Variants in AVL9 observed in about 807,000 individuals in gnomAD.
AVL9 encodes the protein late secretory pathway protein AVL9 homolog.
A neutral mutation model predicts 79.2 loss-of-function variants in AVL9; 49 were observed. The ratio of observed to expected loss-of-function variants is 0.62; its 90% CI spans 0.49 to 0.79. The LOEUF is 0.79. Ranked by LOEUF, AVL9 falls within the 30% of genes least tolerant of loss-of-function variation. The pLI, the probability that AVL9 is intolerant of heterozygous loss-of-function variation, is 0.00. For synonymous variants in AVL9, 299 were observed against 280.6 expected, an observed-to-expected ratio of 1.07 and a Z score of -0.65; for missense variants, 682 against 776.8, an observed-to-expected ratio of 0.88 and a Z score of 1.45.
At chr7:32,508,358 C>G (rs1787505100) in intron 1 of AVL9, among the ~76,000 whole-genome samples, 1 of 152,148 alleles carries the variant, frequency 6.6e-6, no homozygotes, top group Non-Finnish European at 1.5e-5. Context: ...ACTAAGTGAG[C>G]TGCATACATA....
At chr7:32,557,862 T>TG (rs71559237) in intron 8 of AVL9, among the ~76,000 whole-genome samples, 4,979 of 31,506 alleles carry the variant, frequency 0.16, 263 homozygotes, top group African/African-American at 0.26. Flanking sequence ...TCTTTTTTTT[T>TG]TTTTTTTTTT....
chr7:32,514,717 T>A (rs1787834750), intron 1 of AVL9, among the ~76,000 whole-genome samples: 1 of 152,148 alleles, frequency 6.6e-6, no homozygotes, highest in African/African-American at 2.4e-5. Context: ...AAACCTTCCT[T>A]ACTGAGCACC....
In AVL9 at chr7:32,558,834, T is replaced by C. The variant is rs1030047032; in HGVS notation, c.680-95T>C. ...TAATTAAAATGTGTACAAGCATAGC[T>C]TATTAAATTTTATAGGGGAGTCTAC... On this transcript the variant is annotated intron_variant, in intron 9 of 15. Transcript: ENST00000318709. The C allele has an allele frequency of 2.5e-4, 292 of 1,185,536 alleles. 1 individual carries two copies. The highest frequency in any genetic ancestry group is 4.6e-5 in the Non-Finnish European group (39 of 849,116). 73.4% of individuals were successfully genotyped at this position (1,185,536 alleles called of 1,614,324 possible).
At chr7:32,495,874 T>C (rs1393762850) in intron 1 of AVL9, 72 bp downstream of exon 1, 1 of 996,676 alleles carries the variant, frequency 1.0e-6, no homozygotes, top group Admixed American at 4.3e-5. Flanking sequence ...CTGCCCTGCT[T>C]CTGTGTGCTC....
intron 1 of AVL9, among the ~76,000 whole-genome samples, chr7:32,517,226 T>G (rs2128121533): frequency 6.6e-6 from 1 of 152,282 alleles, no homozygotes; most frequent in Non-Finnish European, 1.5e-5. Flanking sequence ...CAAATGTGGC[T>G]TAAACTTACA....
chr7:32,521,261 T>G (rs1239554745), intron 1 of AVL9, among the ~76,000 whole-genome samples: 1 of 152,196 alleles, frequency 6.6e-6, no homozygotes, highest in Non-Finnish European at 1.5e-5. Flanking sequence ...TGGAACAGTT[T>G]GGAGGACTCA....
At chr7:32,509,302 G>C (rs1027073277) in intron 1 of AVL9, among the ~76,000 whole-genome samples, 34 of 151,990 alleles carry the variant, frequency 2.2e-4, no homozygotes, top group African/African-American at 8.0e-4. Flanking sequence ...GGAGGAACCA[G>C]ACCCAAAAAA....
rs150325532 is a variant in AVL9, at chr7:32,572,966, G to T, written c.1351-233G>T. On this transcript the variant is annotated intron_variant, in intron 11 of 15. Transcript: ENST00000318709. ...ATTTGCAATCTAGGTGAGTAATTTT[G>T]TAATTTAAAATACTATATTTATGTG... 7.0e-3 allele frequency among the ~76,000 whole-genome samples: 1,070 copies of T among 152,110 alleles called. 9 individuals carry two copies. Among genetic ancestry groups the T allele is most frequent in the Non-Finnish European group, 0.012 (788 of 68,000 alleles).
chr7:32,515,933 T>A (rs1274128952), intron 1 of AVL9, among the ~76,000 whole-genome samples: 1 of 152,076 alleles, frequency 6.6e-6, no homozygotes, highest in Non-Finnish European at 1.5e-5. Context: ...TAAAAAAAAA[T>A]TGTTCTTTCA....
At chr7:32,534,035 G>A (rs1490770469) in intron 1 of AVL9, 1 of 152,184 alleles carries the variant, frequency 6.6e-6, no homozygotes, top group African/African-American at 2.4e-5. Context: ...CTGACTAGAG[G>A]ACACCAATTT....
At chr7:32,552,365 T>C in intron 6 of AVL9, 70 bp downstream of exon 6, 1 of 934,734 alleles carries the variant, frequency 1.1e-6, no homozygotes, top group East Asian at 2.5e-5. Flanking sequence ...GAGTTGCGTG[T>C]AAAACTTTGA....
intron 8 of AVL9, 42 bp downstream of exon 8, chr7:32,554,638 T>C: frequency 1.5e-6 from 2 of 1,293,452 alleles, no homozygotes; most frequent in South Asian, 1.6e-5. Context: ...AGTATTTAAC[T>C]TTTATTCACT....
At chr7:32,565,102 ATAGT>A (rs1481062593) in intron 10 of AVL9, among the ~76,000 whole-genome samples, 5 of 152,196 alleles carry the variant, frequency 3.3e-5, no homozygotes, top group African/African-American at 9.7e-5. Context: ...TTGGAGCAAA[ATAGT>A]TAGTGGAGGA....
intron 10 of AVL9, among the ~76,000 whole-genome samples, chr7:32,568,010 G>T (rs1373057321): frequency 2.6e-5 from 4 of 151,226 alleles, no homozygotes; most frequent in Admixed American, 6.6e-5. Flanking sequence ...GTGAGCCATC[G>T]CGCCCAGCCC....
rs1416068449 is a variant in AVL9, at chr7:32,570,170, A to T, written c.1350+16A>T. 18 of 1,613,798 alleles carry T rather than the reference A, an allele frequency of 1.1e-5. No homozygotes were observed. Among genetic ancestry groups the T allele is most frequent in the South Asian group, 4.4e-5 (4 of 91,068 alleles). ...CATTGTGGAAGTACGTTTATGTGTGAGTGTGTGTATTTGGCCCTGCTCATC... is the reference window on the plus strand; with the variant it reads ...CATTGTGGAAGTACGTTTATGTGTGTGTGTGTGTATTTGGCCCTGCTCATC... On this transcript the variant is annotated intron_variant, in intron 11 of 15. Transcript: ENST00000318709.
At chr7:32,541,869 C>A (rs1789225466) in intron 1 of AVL9, among the ~76,000 whole-genome samples, 1 of 152,080 alleles carries the variant, frequency 6.6e-6, no homozygotes, top group Admixed American at 6.5e-5. Context: ...CATGTGCCAC[C>A]ACACCTGACT....
intron 15 of AVL9, among the ~76,000 whole-genome samples, chr7:32,583,401 G>T: frequency 6.6e-6 from 1 of 152,316 alleles, no homozygotes; most frequent in East Asian, 1.9e-4. Context: ...GTGTTCTAGT[G>T]AATTAACATT....
intron 1 of AVL9, among the ~76,000 whole-genome samples, chr7:32,510,268 G>T (rs78782545): frequency 4.8e-5 from 7 of 145,408 alleles, no homozygotes; most frequent in African/African-American, 1.3e-4. Flanking sequence ...TGCCCCAGTA[G>T]GAGGAAAGCC....
chr7:32,520,401 C>A (rs1788088439), intron 1 of AVL9, among the ~76,000 whole-genome samples: 1 of 152,144 alleles, frequency 6.6e-6, no homozygotes, highest in Non-Finnish European at 1.5e-5. Context: ...TGATGCACGA[C>A]CCACAGCTCA....
Sources: allele counts gnomAD v4.1 joint callset (sites outside exome capture counted in the v4.1 genomes callset), GRCh38; gene constraint gnomAD v4.1.1; transcripts MANE v1.5; gene names NCBI Gene and HGNC (gene_info 2026-07-23, HGNC 2026-07-21).